CTNNA3: variants seen among roughly 807,000 people sequenced by gnomAD.
The protein encoded by CTNNA3 is catenin alpha-3.
In CTNNA3, 76 loss-of-function variants were observed where a neutral mutation model predicts 95.7. That is an observed-to-expected ratio of 0.79 (90% CI 0.66 to 0.96). The LOEUF is 0.96. Ranked by LOEUF, CTNNA3 falls within the 40% of genes least tolerant of loss-of-function variation. The probability of loss-of-function intolerance (pLI) is 0.00; values close to 1 mark genes in which losing one functional copy is unlikely to be tolerated. For missense variants in CTNNA3, 1,191 were observed against 1,089.8 expected, an observed-to-expected ratio of 1.09 and a Z score of -1.31; for synonymous variants, 431 against 374.4, an observed-to-expected ratio of 1.15 and a Z score of -1.74.
intron 5 of CTNNA3, among the ~76,000 whole-genome samples, chr10:67,485,402 T>G (rs1166302026): frequency 2.6e-5 from 4 of 152,160 alleles, no homozygotes; most frequent in Non-Finnish European, 5.9e-5. Context: ...CTATGCCCAC[T>G]ACCTGGGTCA....
In CTNNA3 at chr10:67,517,547, G is replaced by A. The variant is rs544053487; in HGVS notation, c.579+4295C>T. 3.9e-5 allele frequency among the ~76,000 whole-genome samples: 6 copies of A among 152,056 alleles called. No homozygotes were observed. In the South Asian group the frequency reaches 8.3e-4, roughly 21 times the overall value. The stretch of plus-strand genomic sequence containing the variant: ...AAGCAGTTGTTCACTCCTGAGCATC[G>A]TCACTAAAAAAGTACCATGTGCTGA... On this transcript the variant is annotated intron_variant, in intron 5 of 17. Coordinates refer to ENST00000433211, the MANE Select transcript of CTNNA3 (RefSeq NM_013266.4).
chr10:67,742,576 A>G (rs916157972), intron 1 of CTNNA3, among the ~76,000 whole-genome samples: 20 of 151,192 alleles, frequency 1.3e-4, no homozygotes, highest in Non-Finnish European at 2.2e-4. Flanking sequence ...ACACCCTAAC[A>G]TCACAATTAA....
intron 11 of CTNNA3, among the ~76,000 whole-genome samples, chr10:66,424,564 TA>T (rs1340756689): frequency 6.6e-6 from 1 of 152,136 alleles, no homozygotes; most frequent in African/African-American, 2.4e-5. Context: ...TAGATATTTA[TA>T]AATAAATTTG....
chr10:67,012,749 C>T (rs1311930575), intron 7 of CTNNA3, among the ~76,000 whole-genome samples: 1 of 152,042 alleles, frequency 6.6e-6, no homozygotes, highest in Non-Finnish European at 1.5e-5. Flanking sequence ...TGGATATACA[C>T]TTCTGTAAAA....
rs1448661669 is a variant in CTNNA3, at chr10:66,054,650, A to G, written c.2159+14658T>C. 2.0e-5 allele frequency among the ~76,000 whole-genome samples: 3 copies of G among 151,982 alleles called. No individual in the cohort carries two copies. The South Asian group carries it at 6.2e-4, about 32-fold the overall frequency. ...CTTGTCAGATGGGTCATTGGCAAATATTTTTTTCCATCCCGTGGGTTGGCT... is the reference window on the plus strand; with the variant it reads ...CTTGTCAGATGGGTCATTGGCAAATGTTTTTTTCCATCCCGTGGGTTGGCT... On this transcript the variant is annotated intron_variant, in intron 15 of 17. Transcript: ENST00000433211.
intron 11 of CTNNA3, among the ~76,000 whole-genome samples, chr10:66,514,183 G>T (rs1216113200): frequency 6.6e-6 from 1 of 152,026 alleles, no homozygotes; most frequent in Non-Finnish European, 1.5e-5. Context: ...ACACATTAAA[G>T]GAATTAAGAA....
intron 7 of CTNNA3, among the ~76,000 whole-genome samples, chr10:66,800,073 T>C (rs1317743426): frequency 6.6e-6 from 1 of 151,384 alleles, no homozygotes; most frequent in Non-Finnish European, 1.5e-5. Context: ...AAGAAAGGTC[T>C]TTAAGTAAGG....
chr10:66,248,380 A>G (rs2090423194), intron 13 of CTNNA3, among the ~76,000 whole-genome samples: 1 of 151,784 alleles, frequency 6.6e-6, no homozygotes, highest in Admixed American at 6.6e-5. Flanking sequence ...TAGCAGGAGT[A>G]AGTCCTTATT....
intron 10 of CTNNA3, among the ~76,000 whole-genome samples, chr10:66,526,473 C>A (rs915613418): frequency 2.6e-5 from 4 of 152,204 alleles, no homozygotes; most frequent in African/African-American, 4.8e-5. Context: ...AGGCGTGAGC[C>A]ACTGTGCGAA....
chr10:66,034,226 A>T (rs957922647), intron 15 of CTNNA3, among the ~76,000 whole-genome samples: 2 of 151,868 alleles, frequency 1.3e-5, no homozygotes, highest in African/African-American at 4.8e-5. Flanking sequence ...TATAACAACA[A>T]TTGAAATTTA....
intron 4 of CTNNA3, among the ~76,000 whole-genome samples, chr10:67,539,262 C>A (rs763986300): frequency 1.3e-5 from 2 of 152,070 alleles, no homozygotes; most frequent in Non-Finnish European, 2.9e-5. Context: ...TAGAACTTTT[C>A]CTAGCCATTT....
chr10:67,416,146 GAACTAATTA>G (rs1845529528), intron 5 of CTNNA3, among the ~76,000 whole-genome samples: 1 of 151,928 alleles, frequency 6.6e-6, no homozygotes, highest in African/African-American at 2.4e-5. Flanking sequence ...AATATAGTGA[GAACTAATTA>G]AACTAAAGAG....
At chr10:67,306,729 A>G (rs562481713) in intron 5 of CTNNA3, among the ~76,000 whole-genome samples, 1 of 151,932 alleles carries the variant, frequency 6.6e-6, no homozygotes, top group East Asian at 1.9e-4. Context: ...GCATTGGACC[A>G]TTTTCTTGAT....
At chr10:67,305,041 C>T (rs767213535) in intron 5 of CTNNA3, among the ~76,000 whole-genome samples, 7 of 152,074 alleles carry the variant, frequency 4.6e-5, no homozygotes, top group Non-Finnish European at 8.8e-5. Flanking sequence ...CTTTGGGAGG[C>T]CGAGGTGGGC....
intron 9 of CTNNA3, among the ~76,000 whole-genome samples, chr10:66,753,258 T>G (rs1276008639): frequency 6.6e-6 from 1 of 152,202 alleles, no homozygotes; most frequent in African/African-American, 2.4e-5. Flanking sequence ...CTTTCTTCAC[T>G]GTTAGCCTTT....
At chr10:66,961,334 T>C (rs1849098733) in intron 7 of CTNNA3, among the ~76,000 whole-genome samples, 1 of 152,100 alleles carries the variant, frequency 6.6e-6, no homozygotes, top group Admixed American at 6.5e-5. Flanking sequence ...ATCAATAAAC[T>C]CCACATTGCT....
At chr10:66,766,185 A>C in intron 9 of CTNNA3, 79 bp downstream of exon 9, 1 of 1,442,922 alleles carries the variant, frequency 6.9e-7, no homozygotes, top group South Asian at 1.2e-5. Flanking sequence ...GTTTTTATTT[A>C]GGTACAATTC....
At chr10:67,373,485 G>A (rs746997708) in intron 5 of CTNNA3, among the ~76,000 whole-genome samples, 1 of 152,140 alleles carries the variant, frequency 6.6e-6, no homozygotes, top group Non-Finnish European at 1.5e-5. Flanking sequence ...CAAGTCCTTG[G>A]AGACGTACAA....
chr10:67,450,268 C>T (rs1479265304), intron 5 of CTNNA3, among the ~76,000 whole-genome samples: 4 of 152,154 alleles, frequency 2.6e-5, no homozygotes, highest in Non-Finnish European at 5.9e-5. Flanking sequence ...AACAGAACTA[C>T]CATTTGACCC....
Sources: gnomAD v4.1 joint callset for allele counts (sites outside exome capture counted in the v4.1 genomes callset) on GRCh38, gnomAD v4.1.1 for gene constraint, MANE v1.5 for transcripts, NCBI Gene and HGNC (gene_info 2026-07-23, HGNC 2026-07-21) for gene names.